ELAVL4: variants seen among roughly 807,000 people sequenced by gnomAD.
ELAVL4 encodes ELAV like RNA binding protein 4.
ELAVL4 carries 1 observed loss-of-function variant against 35.6 expected under a neutral mutation model. That is an observed-to-expected ratio of 0.03 (90% CI 0.01 to 0.13). ELAVL4 has a LOEUF of 0.13. ELAVL4 is among the 10% of genes least tolerant of loss of function. ELAVL4 has a pLI of 1.00. For missense variants in ELAVL4, 267 were observed against 464.9 expected, an observed-to-expected ratio of 0.57 and a Z score of 3.91; for synonymous variants, 156 against 171.0, an observed-to-expected ratio of 0.91 and a Z score of 0.69.
rs112645712 is a variant in ELAVL4, at chr1:50,144,437, G to A, written c.10-520G>A. The A allele has an allele frequency of 1.3e-3, 465 of 366,270 alleles. 4 individuals are homozygous for A. Among genetic ancestry groups the A allele is most frequent in the African/African-American group, 9.3e-3 (434 of 46,784 alleles). 22.7% of individuals were successfully genotyped at this position (366,270 alleles called of 1,614,324 possible). On this transcript the variant is annotated intron_variant, in intron 1 of 6. Coordinates refer to ENST00000371824, the MANE Select transcript of ELAVL4 (RefSeq NM_001144774.3). ...CTGTAAAATCTAAAATTTGATCAGT[G>A]ATTAAGCATCAGTGAAAATTTAAAC...
intron 5 of ELAVL4, 138 bp downstream of exon 5, chr1:50,195,924 G>C: frequency 1.0e-6 from 1 of 969,202 alleles, no homozygotes; most frequent in South Asian, 1.7e-5. Flanking sequence ...AACTCCCCCC[G>C]AGCCTCAGTT....
chr1:50,048,057 A>T, exon 1 of ELAVL4: 4 of 1,311,836 alleles, frequency 3.0e-6, no homozygotes, highest in Non-Finnish European at 4.0e-6. Flanking sequence ...GGAGCCGCAG[A>T]GCGAGCTAGA....
intron 3 of ELAVL4, among the ~76,000 whole-genome samples, chr1:50,182,476 A>G (rs1681200099): frequency 6.6e-6 from 1 of 152,208 alleles, no homozygotes; most frequent in Non-Finnish European, 1.5e-5. Flanking sequence ...ACAGACATGC[A>G]AAGGACCAAC....
intron 2 of ELAVL4, among the ~76,000 whole-genome samples, chr1:50,159,984 A>G (rs963108980): frequency 2.0e-5 from 3 of 152,206 alleles, no homozygotes; most frequent in Admixed American, 2.0e-4. Context: ...GCATCAGCAC[A>G]GTCCCATCTC....
chr1:50,198,435 C>T (rs3009115), intron 6 of ELAVL4, among the ~76,000 whole-genome samples: 149,861 of 152,256 alleles, frequency 0.98, 73,808 homozygotes, highest in Middle Eastern at 1. Context: ...CACATCACAC[C>T]CCCAGTTCTT....
chr1:50,171,113 T>C (rs1334737247), intron 2 of ELAVL4, among the ~76,000 whole-genome samples: 1 of 152,194 alleles, frequency 6.6e-6, no homozygotes. Context: ...TCTGACTAGT[T>C]GGCTGTAGTA....
intron 1 of ELAVL4, among the ~76,000 whole-genome samples, chr1:50,075,660 T>C (rs1404593323): frequency 6.6e-6 from 1 of 152,190 alleles, no homozygotes; most frequent in Non-Finnish European, 1.5e-5. Flanking sequence ...TTACAATGGT[T>C]CAACTTACTA....
chr1:50,149,089 A>G (rs2148706565), intron 2 of ELAVL4, among the ~76,000 whole-genome samples: 1 of 152,218 alleles, frequency 6.6e-6, no homozygotes, highest in East Asian at 1.9e-4. Flanking sequence ...GAAAGAAAAA[A>G]AAAGAAAAAT....
At chr1:50,107,046 T>C (rs1367317054), upstream of ELAVL4, among the ~76,000 whole-genome samples, 1 of 152,244 alleles carries the variant, frequency 6.6e-6, no homozygotes, top group Non-Finnish European at 1.5e-5. Context: ...AGCATTGTCT[T>C]AATGTTTACT....
chr1:50,139,610 A>G (rs1484586061), intron 1 of ELAVL4, among the ~76,000 whole-genome samples: 1 of 152,160 alleles, frequency 6.6e-6, no homozygotes, highest in African/African-American at 2.4e-5. Flanking sequence ...CCCTTTTTAA[A>G]TGTGCGTATG....
At chr1:50,130,920 A>G (rs1473477053) in intron 1 of ELAVL4, among the ~76,000 whole-genome samples, 1 of 152,194 alleles carries the variant, frequency 6.6e-6, no homozygotes, top group African/African-American at 2.4e-5. Context: ...CTGTAACTAA[A>G]GAAATTTTAG....
At chr1:50,123,313 A>G (rs1669335288) in intron 1 of ELAVL4, among the ~76,000 whole-genome samples, 1 of 152,048 alleles carries the variant, frequency 6.6e-6, no homozygotes, top group Non-Finnish European at 1.5e-5. Context: ...CTCAGGGTAC[A>G]GTGCTGGGAA....
intron 2 of ELAVL4, among the ~76,000 whole-genome samples, chr1:50,146,313 A>G (rs1673714765): frequency 6.6e-6 from 1 of 152,224 alleles, no homozygotes; most frequent in Non-Finnish European, 1.5e-5. Flanking sequence ...TAAATTAAGT[A>G]GTTTGCAAAA....
chr1:50,057,752 T>TATACCACCTAG (rs764349198), intron 1 of ELAVL4, among the ~76,000 whole-genome samples: 16 of 152,316 alleles, frequency 1.1e-4, no homozygotes, highest in South Asian at 4.1e-4. Context: ...CTGTGATGTT[T>TATACCACCTAG]GCATGATGAC....
intron 1 of ELAVL4, among the ~76,000 whole-genome samples, chr1:50,060,453 T>G (rs1459620016): frequency 3.9e-5 from 6 of 152,172 alleles, no homozygotes; most frequent in Admixed American, 6.5e-5. Flanking sequence ...GAATCATAAG[T>G]GATGTCATGC....
chr1:50,135,630 TG>T (rs1348730698), intron 1 of ELAVL4, among the ~76,000 whole-genome samples: 10 of 152,300 alleles, frequency 6.6e-5, no homozygotes, highest in African/African-American at 2.4e-4. Context: ...TGAATACACT[TG>T]TTTTAAGGAT....
At chr1:50,132,924 C>T (rs1189639764) in intron 1 of ELAVL4, among the ~76,000 whole-genome samples, 2 of 152,076 alleles carry the variant, frequency 1.3e-5, no homozygotes, top group Non-Finnish European at 2.9e-5. Context: ...TTATTTTTCC[C>T]TCCTACTCTG....
intron 1 of ELAVL4, among the ~76,000 whole-genome samples, chr1:50,075,248 T>G (rs896485285): frequency 5.3e-5 from 8 of 152,178 alleles, no homozygotes; most frequent in Non-Finnish European, 1.0e-4. Context: ...TTAGGGAATT[T>G]GCATTTTATC....
chr1:50,136,632 A>G (rs1055275403), intron 1 of ELAVL4, among the ~76,000 whole-genome samples: 1 of 152,156 alleles, frequency 6.6e-6, no homozygotes, highest in Non-Finnish European at 1.5e-5. Flanking sequence ...TCTCAGGTGT[A>G]CACACCTGAG....
Sources: allele counts gnomAD v4.1 joint callset (sites outside exome capture counted in the v4.1 genomes callset), GRCh38; gene constraint gnomAD v4.1.1; transcripts MANE v1.5; gene names NCBI Gene and HGNC (gene_info 2026-07-23, HGNC 2026-07-21).